OR51B5: variants seen among roughly 807,000 people sequenced by gnomAD.
The protein encoded by OR51B5 is olfactory receptor family 51 subfamily B member 5, also known as olfactory receptor 51B5.
For synonymous variants in OR51B5, 186 were observed against 144.8 expected (o/e 1.28, Z -2.04); for missense variants, 456 against 374.6 (o/e 1.22, Z -1.79).
chr11:5,442,106 T>C (rs1850697822), intron 1 of OR51B5, among the ~76,000 whole-genome samples: 1 of 152,152 alleles, frequency 6.6e-6, no homozygotes. Flanking sequence ...CTCTGGTCTA[T>C]GAACTCTTCT....
intron 1 of OR51B5, among the ~76,000 whole-genome samples, chr11:5,349,935 T>C (rs1380527928): frequency 6.6e-6 from 1 of 152,136 alleles, no homozygotes; most frequent in Non-Finnish European, 1.5e-5. Flanking sequence ...AGAGAAACTA[T>C]AGTTTAATAT....
At chr11:5,484,069 A>G (rs1851466188) in intron 1 of OR51B5, among the ~76,000 whole-genome samples, 1 of 151,996 alleles carries the variant, frequency 6.6e-6, no homozygotes, top group Admixed American at 6.6e-5. Flanking sequence ...CCTCATACAC[A>G]CACCTTTACA....
chr11:5,432,338 A>C (rs1401208382), intron 1 of OR51B5, among the ~76,000 whole-genome samples: 3 of 151,564 alleles, frequency 2.0e-5, no homozygotes, highest in African/African-American at 7.3e-5. Context: ...CTTTGGAATA[A>C]ATAAATCAGA....
At chr11:5,483,290 A>G (rs1221406977) in intron 1 of OR51B5, among the ~76,000 whole-genome samples, 1 of 137,058 alleles carries the variant, frequency 7.3e-6, no homozygotes. Flanking sequence ...TCTCACTCAT[A>G]GGTGGGAACT....
At chr11:5,396,173 C>T (rs1849867447) in intron 1 of OR51B5, among the ~76,000 whole-genome samples, 1 of 152,172 alleles carries the variant, frequency 6.6e-6, no homozygotes, top group South Asian at 2.1e-4. Context: ...ACAGGGATGC[C>T]CTCTCTCACC....
intron 1 of OR51B5, among the ~76,000 whole-genome samples, chr11:5,461,577 G>A (rs942789998): frequency 6.6e-5 from 10 of 152,164 alleles, no homozygotes; most frequent in African/African-American, 2.4e-4. Context: ...AAGCTTTGGG[G>A]TAATGGGCAT....
intron 1 of OR51B5, chr11:5,454,473 C>CA: frequency 7.2e-7 from 1 of 1,391,972 alleles, no homozygotes; most frequent in Middle Eastern, 1.8e-4. Flanking sequence ...CATAGGCTCT[C>CA]ATCAGTAGCA....
intron 1 of OR51B5, among the ~76,000 whole-genome samples, chr11:5,421,747 A>G (rs1850341758): frequency 6.6e-6 from 1 of 152,248 alleles, no homozygotes; most frequent in African/African-American, 2.4e-5. Flanking sequence ...ATGCTGCTAC[A>G]AAAGTCAAAG....
intron 1 of OR51B5, among the ~76,000 whole-genome samples, chr11:5,405,423 A>C (rs924940117): frequency 6.6e-6 from 1 of 152,204 alleles, no homozygotes; most frequent in Non-Finnish European, 1.5e-5. Context: ...TCAGTCAAGT[A>C]GAATTTATTG....
intron 1 of OR51B5, among the ~76,000 whole-genome samples, chr11:5,373,025 T>C (rs754256823): frequency 2.0e-5 from 3 of 152,104 alleles, no homozygotes; most frequent in Non-Finnish European, 2.9e-5. Flanking sequence ...TTTACGTATA[T>C]ACAGTCCAGT....
At chr11:5,350,832 AAC>A (rs1465785254) in intron 1 of OR51B5, among the ~76,000 whole-genome samples, 2 of 152,168 alleles carry the variant, frequency 1.3e-5, no homozygotes, top group Non-Finnish European at 2.9e-5. Flanking sequence ...GTGCTTTGGA[AAC>A]ACACACAGGT....
chr11:5,483,537 A>G (rs918902978), intron 1 of OR51B5, among the ~76,000 whole-genome samples: 2 of 144,638 alleles, frequency 1.4e-5, no homozygotes, highest in African/African-American at 5.3e-5. Context: ...AAGAAAAGAA[A>G]GAGTAGAAAG....
At chr11:5,422,752 G>T in intron 1 of OR51B5, 1 of 1,614,100 alleles carries the variant, frequency 6.2e-7, no homozygotes, top group Non-Finnish European at 8.5e-7. Flanking sequence ...GCCTCCACCA[G>T]GATATGATCC....
chr11:5,412,474 G>A (rs754042329), intron 1 of OR51B5, among the ~76,000 whole-genome samples: 12 of 152,190 alleles, frequency 7.9e-5, no homozygotes, highest in Non-Finnish European at 1.0e-4. Flanking sequence ...TGCGCCAGCC[G>A]AAGCAGGGCG....
At chr11:5,464,277 AAAGTT>A (rs1851099479) in intron 1 of OR51B5, among the ~76,000 whole-genome samples, 1 of 152,248 alleles carries the variant, frequency 6.6e-6, no homozygotes, top group Non-Finnish European at 1.5e-5. Context: ...TGAGAATTAG[AAAGTT>A]AAGGTTGATA....
chr11:5,412,520 G>A (rs1277166396), intron 1 of OR51B5, among the ~76,000 whole-genome samples: 3 of 152,198 alleles, frequency 2.0e-5, no homozygotes, highest in African/African-American at 4.8e-5. Context: ...AAGGGGTCAG[G>A]GAGTTCCCTT....
chr11:5,342,439 GA>G (rs1848909676), downstream of OR51B5: 1 of 992,902 alleles, frequency 1.0e-6, no homozygotes, highest in Non-Finnish European at 1.4e-6. Flanking sequence ...TGGGCTTAAA[GA>G]GATACCTTAG....
At chr11:5,477,901 G>A (rs4343057) in intron 1 of OR51B5, among the ~76,000 whole-genome samples, 139,841 of 151,612 alleles carry the variant, frequency 0.92, 64,907 homozygotes, top group South Asian at 0.99. Context: ...CAGCAGTCTG[G>A]GATCAAACTG....
intron 1 of OR51B5, chr11:5,390,159 C>G (rs201363035): frequency 2.5e-6 from 4 of 1,613,864 alleles, no homozygotes; most frequent in Admixed American, 3.3e-5. Flanking sequence ...CAGACATGCA[C>G]CGCTCCTCTC....
Sources: gnomAD v4.1 joint callset for allele counts (sites outside exome capture counted in the v4.1 genomes callset) on GRCh38, gnomAD v4.1.1 for gene constraint, MANE v1.5 for transcripts, NCBI Gene and HGNC (gene_info 2026-07-23, HGNC 2026-07-21) for gene names.